The following FAM117B variants were observed in gnomAD, a reference collection of about 807,000 sequenced individuals.
FAM117B encodes the protein family with sequence similarity 117 member B, also known as protein FAM117B.
Under a neutral mutation model 52.8 loss-of-function variants are expected in FAM117B, and 22 were observed. The ratio of observed to expected loss-of-function variants is 0.42; its 90% CI spans 0.30 to 0.59. FAM117B has a LOEUF of 0.59. FAM117B is among the 20% of genes least tolerant of loss of function. FAM117B has a pLI of 0.22. For synonymous variants in FAM117B, 309 were observed against 324.1 expected, an observed-to-expected ratio of 0.95 and a Z score of 0.50; for missense variants, 678 against 802.6, an observed-to-expected ratio of 0.84 and a Z score of 1.88.
chr2:202,739,705 C>CGAG (rs1691495192), intron 4 of FAM117B, among the ~76,000 whole-genome samples: 1 of 152,078 alleles, frequency 6.6e-6, no homozygotes. Flanking sequence ...AGTCCTCCCT[C>CGAG]GGACTCAGCC....
chr2:202,725,640 ATG>A (rs1275689655), intron 3 of FAM117B, among the ~76,000 whole-genome samples: 1 of 152,108 alleles, frequency 6.6e-6, no homozygotes, highest in Non-Finnish European at 1.5e-5. Context: ...TTTTCTATAT[ATG>A]GTGGTGTTTC....
At chr2:202,745,436 A>C (rs1313041953) in intron 4 of FAM117B, among the ~76,000 whole-genome samples, 14 of 152,238 alleles carry the variant, frequency 9.2e-5, no homozygotes, top group Admixed American at 8.5e-4. Flanking sequence ...CAGACATGTA[A>C]AATTCACTGG....
At chr2:202,637,675 A>G (rs1430474868) in intron 1 of FAM117B, among the ~76,000 whole-genome samples, 1 of 152,168 alleles carries the variant, frequency 6.6e-6, no homozygotes, top group Non-Finnish European at 1.5e-5. Flanking sequence ...GTTTTTATGC[A>G]AAATCTCATT....
chr2:202,684,521 C>A (rs563517656), intron 1 of FAM117B, among the ~76,000 whole-genome samples: 1 of 152,064 alleles, frequency 6.6e-6, no homozygotes, highest in Admixed American at 6.6e-5. Context: ...TTTTCGTGAT[C>A]GTGCCATATT....
At chr2:202,738,695 C>T (rs1691478020) in intron 4 of FAM117B, among the ~76,000 whole-genome samples, 1 of 152,092 alleles carries the variant, frequency 6.6e-6, no homozygotes, top group Admixed American at 6.5e-5. Flanking sequence ...GATTCTGTGA[C>T]CCTAGATTAT....
intron 1 of FAM117B, among the ~76,000 whole-genome samples, chr2:202,673,574 A>G (rs1468868403): frequency 6.7e-6 from 1 of 149,544 alleles, no homozygotes; most frequent in African/African-American, 2.5e-5. Flanking sequence ...CAGCCTCCCA[A>G]GTAGCTGGAA....
At chr2:202,677,160 G>C (rs537390211) in intron 1 of FAM117B, among the ~76,000 whole-genome samples, 3 of 151,188 alleles carry the variant, frequency 2.0e-5, no homozygotes, top group Non-Finnish European at 4.4e-5. Context: ...CTCCGCCTCC[G>C]GGGTTTAAGT....
chr2:202,679,941 A>T (rs952925348), intron 1 of FAM117B, among the ~76,000 whole-genome samples: 5 of 152,244 alleles, frequency 3.3e-5, no homozygotes, highest in Admixed American at 3.3e-4. Context: ...AACTGGCATT[A>T]TAAATATGTT....
intron 1 of FAM117B, among the ~76,000 whole-genome samples, chr2:202,645,231 C>G (rs1356436131): frequency 1.3e-5 from 2 of 151,976 alleles, no homozygotes; most frequent in African/African-American, 2.4e-5. Flanking sequence ...TTTGCCTTGG[C>G]CTCCCAAAGT....
intron 2 of FAM117B, among the ~76,000 whole-genome samples, chr2:202,698,505 C>T (rs776282825): frequency 8.5e-5 from 13 of 152,108 alleles, no homozygotes; most frequent in Non-Finnish European, 1.5e-4. Context: ...TCACTGCAAC[C>T]TCTGCCTCCT....
intron 1 of FAM117B, among the ~76,000 whole-genome samples, chr2:202,655,665 C>T (rs911508684): frequency 1.4e-5 from 2 of 145,370 alleles, no homozygotes; most frequent in Non-Finnish European, 3.0e-5. Flanking sequence ...CAAAATTTCC[C>T]CAGTGAAATC....
chr2:202,653,182 C>T (rs1226055717), intron 1 of FAM117B, among the ~76,000 whole-genome samples: 1 of 152,182 alleles, frequency 6.6e-6, no homozygotes, highest in South Asian at 2.1e-4. Context: ...GTGGAAAGAT[C>T]CCTTGAGCCC....
rs757943271 is a variant in FAM117B, at chr2:202,765,808, C to T, written c.*44C>T. ...TGTTGTTCTGGGAAATTGGGAACCTCCTCAGATCACTGGATTCTGATGGCA... is the reference window on the plus strand; with the variant it reads ...TGTTGTTCTGGGAAATTGGGAACCTTCTCAGATCACTGGATTCTGATGGCA... On this transcript the variant is annotated 3_prime_UTR_variant, in exon 8 of 8. Coordinates refer to ENST00000392238, the MANE Select transcript of FAM117B (RefSeq NM_173511.4). 3 of 1,572,806 alleles carry T rather than the reference C, an allele frequency of 1.9e-6. No individual in the cohort carries two copies. Among genetic ancestry groups the T allele is most frequent in the African/African-American group, 1.3e-5 (1 of 74,102 alleles).
intron 1 of FAM117B, among the ~76,000 whole-genome samples, chr2:202,680,648 A>G (rs1475492860): frequency 2.6e-5 from 4 of 152,244 alleles, no homozygotes; most frequent in East Asian, 1.9e-4. Flanking sequence ...AAAAAGGGCA[A>G]ATTTCTTGCC....
chr2:202,665,766 A>G (rs1690196192), intron 1 of FAM117B, among the ~76,000 whole-genome samples: 1 of 152,062 alleles, frequency 6.6e-6, no homozygotes, highest in Non-Finnish European at 1.5e-5. Flanking sequence ...ATGCCTGGCT[A>G]ATTTTTGTAT....
chr2:202,657,828 A>T (rs894619750), intron 1 of FAM117B, among the ~76,000 whole-genome samples: 1 of 151,760 alleles, frequency 6.6e-6, no homozygotes, highest in Non-Finnish European at 1.5e-5. Context: ...TACCTTTCAG[A>T]TTGCTTGACT....
intron 2 of FAM117B, among the ~76,000 whole-genome samples, chr2:202,700,399 G>A (rs184062192): frequency 6.6e-6 from 1 of 152,328 alleles, no homozygotes; most frequent in East Asian, 1.9e-4. Context: ...AAAAGTTTTA[G>A]TGATCTAGAT....
In FAM117B at chr2:202,726,316, A is replaced by G; in HGVS notation, c.913A>G (p.Arg305Gly). The G allele has an allele frequency of 1.9e-6, 3 of 1,613,988 alleles. No individual in the cohort carries two copies. The highest frequency in any genetic ancestry group is 2.5e-6 in the Non-Finnish European group (3 of 1,179,976). ...CAGTCGGCATCATCGAGATAAAGAA[A>G]GACAGTCTCCATTTCATGGCAACCA... is the stretch of plus-strand genomic sequence containing the variant. ...HSSRHHRDKE[R>G]QSPFHGNHAA... The change falls in exon 4 of 8, where the codon AGA becomes GGA. Residue 305 changes from arginine (R) to glycine (G), a missense_variant. Around this residue, in one of 3 missense-constraint regions of FAM117B, gnomAD observed 583 missense variants for 644.8 expected, o/e 0.90. Coordinates refer to ENST00000392238, the MANE Select transcript of FAM117B (RefSeq NM_173511.4).
intron 1 of FAM117B, among the ~76,000 whole-genome samples, chr2:202,675,557 C>T (rs957472865): frequency 6.7e-6 from 1 of 150,256 alleles, no homozygotes; most frequent in African/African-American, 2.4e-5. Context: ...TGGTGTTTAG[C>T]ACCTTGGTCA....
Sources: allele counts gnomAD v4.1 joint callset (sites outside exome capture counted in the v4.1 genomes callset), GRCh38; gene constraint gnomAD v4.1.1; regional missense constraint gnomAD v4.1.1; transcripts MANE v1.5; gene names NCBI Gene and HGNC (gene_info 2026-07-23, HGNC 2026-07-21).